CNTRL: variants seen among roughly 807,000 people sequenced by gnomAD.
CNTRL encodes the protein 110 kDa centrosomal protein.
In CNTRL, 233 loss-of-function variants were observed where a neutral mutation model predicts 303.7. That is an observed-to-expected ratio of 0.77 (90% CI 0.69 to 0.86). CNTRL has a LOEUF of 0.86. Among genes scored for constraint, CNTRL ranks in the 40% least tolerant of loss-of-function variants. CNTRL has a pLI of 0.00. For missense variants in CNTRL, 2,524 were observed against 2,650.6 expected (o/e 0.95, Z 1.05); for synonymous variants, 900 against 922.2 (o/e 0.98, Z 0.44).
intron 7 of CNTRL, among the ~76,000 whole-genome samples, chr9:121,104,567 GA>G (rs2049361479): frequency 6.8e-6 from 1 of 146,112 alleles, no homozygotes; most frequent in African/African-American, 2.7e-5. Flanking sequence ...AAAAAGAAAA[GA>G]AAAAAAGAAA....
At chr9:121,135,689 C>A in intron 14 of CNTRL, 117 bp from the exon 15 acceptor site, 2 of 894,916 alleles carry the variant, frequency 2.2e-6, no homozygotes, top group Non-Finnish European at 3.3e-6. Flanking sequence ...AACTTTGTGG[C>A]AGGCATCAGT....
intron 16 of CNTRL, among the ~76,000 whole-genome samples, chr9:121,139,831 C>A (rs1390611398): frequency 6.6e-6 from 1 of 152,164 alleles, no homozygotes; most frequent in African/African-American, 2.4e-5. Context: ...CCTGCAAATA[C>A]TTAAGTGTAC....
rs959971868 is a variant in CNTRL, at chr9:121,173,588, G to C, written c.6684+79G>C. On this transcript the variant is annotated intron_variant, in intron 41 of 43. Transcript: ENST00000373855. The stretch of plus-strand genomic sequence containing the variant: ...GCTAAGCTAAAACACAGATGTGGGG[G>C]TGCTGGGGTAGGGGAGGGAAAGGCT... The C allele has an allele frequency of 4.4e-6, 7 of 1,609,062 alleles. No homozygotes were observed. The Admixed American group carries it at 1.0e-4, about 23-fold the overall frequency.
rs2052028821 is a variant in CNTRL, at chr9:121,148,766, A to C, written c.3554A>C (p.Gln1185Pro). Residue 1185 changes from glutamine (Q) to proline (P), a missense_variant, in exon 24 of 44, where the codon CAG becomes CCG. Coordinates refer to ENST00000373855, the MANE Select transcript of CNTRL (RefSeq NM_007018.6). ...TPVRKPRPGQQDGKEGSQPPP... is the reference protein window; with the variant it reads ...TPVRKPRPGQPDGKEGSQPPP... Reference sequence around the variant, plus strand: ...GTTAGAAAACCACGCCCTGGGCAGCAGGATGGGAAGGAAGGCAGTCAACCT... The same window carrying C: ...GTTAGAAAACCACGCCCTGGGCAGCCGGATGGGAAGGAAGGCAGTCAACCT... 6.2e-7 allele frequency: 1 copy of C among 1,614,150 alleles called. No individual in the cohort carries two copies. The highest frequency in any genetic ancestry group is 8.5e-7 in the Non-Finnish European group (1 of 1,180,008).
At chr9:121,099,697 C>A (rs983439779) in intron 7 of CNTRL, among the ~76,000 whole-genome samples, 2 of 152,142 alleles carry the variant, frequency 1.3e-5, no homozygotes, top group Non-Finnish European at 2.9e-5. Flanking sequence ...GAATAAACAG[C>A]ATAGAGAAGA....
chr9:121,154,615 C>T lies in CNTRL; in HGVS notation c.4173-106C>T, dbSNP rs7858548. On this transcript the variant is annotated intron_variant, in intron 26 of 43. Transcript: ENST00000373855. ...TGTAGCAGTCTTTCTTACCTATTCT[C>T]ATATAAAATTAGAAAATCATTGTAG... 2.9e-3 allele frequency: 1,899 copies of T among 663,770 alleles called. 23 individuals carry two copies. The African/African-American group carries it at 0.03, about 10-fold the overall frequency. 41.1% of individuals were successfully genotyped at this position (663,770 alleles called of 1,614,324 possible). A position where few individuals can be genotyped will look rare whatever the true frequency, so the allele number is the denominator to read the frequency against.
At chr9:121,119,129 G>T (rs1564227955) in intron 12 of CNTRL, among the ~76,000 whole-genome samples, 1 of 151,712 alleles carries the variant, frequency 6.6e-6, no homozygotes, top group Non-Finnish European at 1.5e-5. Flanking sequence ...TATATGGAAT[G>T]TGTATGTCTA....
At chr9:121,156,203 A>C (rs983586899) in intron 27 of CNTRL, among the ~76,000 whole-genome samples, 1 of 151,960 alleles carries the variant, frequency 6.6e-6, no homozygotes, top group Non-Finnish European at 1.5e-5. Context: ...ATATTAATAT[A>C]TATAGGTATA....
chr9:121,098,404 T>A lies in CNTRL; in HGVS notation c.640T>A (p.Leu214Met), dbSNP rs1366693808. The change falls in exon 7 of 44, where the codon TTG (leucine) becomes ATG (methionine). Residue 214 changes from leucine to methionine, a missense_variant. Transcript: ENST00000373855. ...KISSLQDISK[L>M]KPLQDLISLI... is the part of the protein sequence containing the mutation. ...ATTTCAGCTCCAAGATATAAGCAAG[T>A]TGAAACCGCTTCAAGATTTGATTTC... 6.2e-7 allele frequency: 1 copy of A among 1,611,364 alleles called. No individual in the cohort carries two copies. Among genetic ancestry groups the A allele is most frequent in the South Asian group, 1.1e-5 (1 of 90,814 alleles).
At chr9:121,128,128 A>G (rs1031285899) in intron 14 of CNTRL, among the ~76,000 whole-genome samples, 1 of 152,192 alleles carries the variant, frequency 6.6e-6, no homozygotes, top group Non-Finnish European at 1.5e-5. Flanking sequence ...TCTTTATAGT[A>G]GCATGATTTA....
chr9:121,155,149 C>T (rs1464918688), intron 27 of CNTRL, among the ~76,000 whole-genome samples: 3 of 152,132 alleles, frequency 2.0e-5, no homozygotes, highest in South Asian at 2.1e-4. Context: ...GTAGGCTTTT[C>T]GGCATGGATT....
intron 39 of CNTRL, among the ~76,000 whole-genome samples, chr9:121,170,477 A>T (rs538369819): frequency 7.2e-4 from 109 of 151,654 alleles, no homozygotes; most frequent in African/African-American, 2.6e-3. Flanking sequence ...TATTTTCAAG[A>T]CAGAGTCTTG....
rs1298176658 is a variant in CNTRL, at chr9:121,080,709, G to A, written c.-32+231G>A. On this transcript the variant is annotated intron_variant, in intron 2 of 43. Transcript: ENST00000373855. The stretch of plus-strand genomic sequence containing the variant: ...AATTAGTTTGAAAGCAGAATCCAAA[G>A]AGGAATTCCAAAAATTGAATATATT... 2.0e-5 allele frequency among the ~76,000 whole-genome samples: 3 copies of A among 152,242 alleles called. No individual in the cohort carries two copies. In the East Asian group the frequency reaches 5.8e-4, roughly 29 times the overall value.
At position 121,157,995 on chromosome 9, in the gene CNTRL, A is replaced by G. The variant is rs7021190; in HGVS notation, c.4650A>G (p.Leu1550=). 164 of 1,614,152 alleles carry G rather than the reference A, an allele frequency of 1.0e-4. No homozygotes were observed. The African/African-American group carries it at 1.5e-3, about 15-fold the overall frequency. ...TGGTGCTTTGTAGGCTTCAGAAACT[A>G]CAGAAAGACATAGAGATGGCAGAAC... The part of the protein sequence containing the change: ...KEKLTEELQK[L]QKDIEMAERN... Residue 1550 remains leucine (L), a synonymous_variant, in exon 30 of 44, where the codon CTA becomes CTG. Transcript: ENST00000373855.
intron 1 of CNTRL, among the ~76,000 whole-genome samples, chr9:121,079,558 C>G (rs2048058949): frequency 1.3e-5 from 2 of 152,114 alleles, no homozygotes; most frequent in Admixed American, 6.6e-5. Flanking sequence ...TGCTTGCTAT[C>G]AAAAGTGTCT....
chr9:121,098,687 T>G (rs1374110904), intron 7 of CNTRL, 115 bp downstream of exon 7: 2 of 722,336 alleles, frequency 2.8e-6, no homozygotes, highest in Non-Finnish European at 2.2e-6. Context: ...ACATGGGAAA[T>G]GGCAGCATAA....
chr9:121,163,952 C>T (rs754079207), intron 34 of CNTRL, among the ~76,000 whole-genome samples: 4 of 151,600 alleles, frequency 2.6e-5, no homozygotes, highest in Non-Finnish European at 5.9e-5. Context: ...GCAAGCTCCA[C>T]CTTCCGGGTT....
At chr9:121,157,424 G>A in intron 27 of CNTRL, 46 bp from the exon 28 acceptor site, 1 of 1,593,764 alleles carries the variant, frequency 6.3e-7, no homozygotes. Flanking sequence ...GTAGCTGTGA[G>A]TGAGTATTGT....
chr9:121,140,511 G>GAAATTTCTA, intron 16 of CNTRL, 130 bp from the exon 17 acceptor site: 1 of 765,596 alleles, frequency 1.3e-6, no homozygotes, highest in Non-Finnish European at 1.9e-6. Context: ...GGAAATTTTA[G>GAAATTTCTA]AAATTTCTTT....
Sources: gnomAD v4.1 joint callset for allele counts (sites outside exome capture counted in the v4.1 genomes callset) on GRCh38, gnomAD v4.1.1 for gene constraint, MANE v1.5 for transcripts, NCBI Gene and HGNC (gene_info 2026-07-23, HGNC 2026-07-21) for gene names.